SCD5: variants seen among roughly 807,000 people sequenced by gnomAD.
SCD5 encodes the protein stearoyl-CoA desaturase 5, also known as acyl-CoA-desaturase 4.
In SCD5, 20 loss-of-function variants were observed where a neutral mutation model predicts 30.4. The observed-to-expected ratio is 0.66, with a 90% confidence interval of 0.46 to 0.96. The LOEUF (loss-of-function observed/expected upper bound fraction) is 0.96, where lower values mean the gene tolerates loss of function less well. SCD5 is among the 40% of genes least tolerant of loss of function. The pLI, the probability that SCD5 is intolerant of heterozygous loss-of-function variation, is 0.00. For synonymous variants in SCD5, 173 were observed against 176.4 expected, an observed-to-expected ratio of 0.98 and a Z score of 0.16; for missense variants, 381 against 443.3, an observed-to-expected ratio of 0.86 and a Z score of 1.26.
At chr4:82,755,789 T>C (rs1030277336) in intron 1 of SCD5, among the ~76,000 whole-genome samples, 1 of 152,236 alleles carries the variant, frequency 6.6e-6, no homozygotes, top group African/African-American at 2.4e-5. Flanking sequence ...AGCCTTATGA[T>C]GACAAGTCTT....
At chr4:82,730,907 A>T (rs1720630399) in intron 1 of SCD5, among the ~76,000 whole-genome samples, 1 of 152,042 alleles carries the variant, frequency 6.6e-6, no homozygotes. Flanking sequence ...TTCTATAAAC[A>T]CAAAGAGCTC....
Position 82,798,447 on chromosome 4 carries a change from C to T in SCD5, c.91G>A (p.Gly31Ser). The T allele has an allele frequency of 6.2e-7, 1 of 1,613,140 alleles. No individual in the cohort carries two copies. Residue 31 changes from glycine to serine, a missense_variant, in exon 1 of 5, where the codon GGC becomes AGC. Gly to Ser is a moderately conservative substitution (Grantham distance 56). Coordinates refer to ENST00000319540, the MANE Select transcript of SCD5 (RefSeq NM_001037582.3). ...RAGLESSEGG[G>S]GPERPGARGQ... Reference sequence around the variant, plus strand: ...CGCGCGCCTGGCCTCTCCGGGCCGCCGCCGCCCTCAGAGCTTTCGAGCCCG... The same window carrying T: ...CGCGCGCCTGGCCTCTCCGGGCCGCTGCCGCCCTCAGAGCTTTCGAGCCCG...
chr4:82,798,232 G>A, intron 1 of SCD5, 74 bp downstream of exon 1: 1 of 1,247,700 alleles, frequency 8.0e-7, no homozygotes, highest in Non-Finnish European at 1.0e-6. Flanking sequence ...GCCGAGGGGC[G>A]AGCGGCGACC....
rs534129585 is a variant in SCD5 at position 82,679,375 on chromosome 4, G to C, written c.569+1332C>G. On this transcript the variant is annotated intron_variant, in intron 3 of 4. Coordinates refer to ENST00000319540, the MANE Select transcript of SCD5 (RefSeq NM_001037582.3). ...CCTAAAAGAGCTGAATTGATACCGG[G>C]TGTTTTCACCTAAAAGAGCTGTATT... Among the ~76,000 whole-genome samples, 4 of 152,126 alleles carry C rather than the reference G, an allele frequency of 2.6e-5. No homozygotes were observed. The South Asian group carries it at 8.3e-4, about 32-fold the overall frequency.
At chr4:82,731,519 G>A (rs1021091668) in intron 1 of SCD5, among the ~76,000 whole-genome samples, 3 of 152,260 alleles carry the variant, frequency 2.0e-5, no homozygotes, top group African/African-American at 7.2e-5. Flanking sequence ...CATAGTTGCA[G>A]CAAGTAAGAG....
intron 1 of SCD5, among the ~76,000 whole-genome samples, chr4:82,767,145 T>C (rs1243159957): frequency 1.3e-5 from 2 of 152,170 alleles, no homozygotes; most frequent in Non-Finnish European, 1.5e-5. Context: ...TCCCTGACAT[T>C]GGGCAGTTTT....
intron 1 of SCD5, among the ~76,000 whole-genome samples, chr4:82,728,868 T>C (rs955586943): frequency 6.6e-6 from 1 of 152,176 alleles, no homozygotes; most frequent in Non-Finnish European, 1.5e-5. Flanking sequence ...ATTTTGTCTG[T>C]GCAGTGGGCA....
chr4:82,692,538 C>T (rs746753034), intron 2 of SCD5: 2 of 152,264 alleles, frequency 1.3e-5, no homozygotes, highest in Non-Finnish European at 2.9e-5. Context: ...CGGGAGCAGG[C>T]ATCGCAGCCC....
intron 3 of SCD5, chr4:82,661,027 C>T (rs1307315261): frequency 6.2e-7 from 1 of 1,613,936 alleles, no homozygotes; most frequent in African/African-American, 1.3e-5. Context: ...AAGCATCTCA[C>T]ACGCTGCCTC....
chr4:82,773,047 G>C (rs926335751), intron 1 of SCD5, among the ~76,000 whole-genome samples: 3 of 152,140 alleles, frequency 2.0e-5, no homozygotes, highest in Non-Finnish European at 4.4e-5. Context: ...GGTGTGGGGA[G>C]CACTGATGTT....
chr4:82,631,237 C>A lies in SCD5; in HGVS notation c.*90G>T. ...TCGTTCCTTCCCCACCCTCTGCCCC[C>A]TCCCACGATCCAATGTACAAGAGAG... On this transcript the variant is annotated 3_prime_UTR_variant, in exon 5 of 5. Coordinates refer to ENST00000319540, the MANE Select transcript of SCD5 (RefSeq NM_001037582.3). The A allele has an allele frequency of 1.7e-6, 2 of 1,147,362 alleles. No individual in the cohort carries two copies. Among genetic ancestry groups the A allele is most frequent in the Non-Finnish European group, 2.4e-6 (2 of 826,006 alleles). The allele number at this position is 1,147,362 out of a possible 1,614,324, so 71.1% of individuals were successfully genotyped here.
chr4:82,736,328 G>A (rs1229972399), intron 1 of SCD5, among the ~76,000 whole-genome samples: 1 of 151,886 alleles, frequency 6.6e-6, no homozygotes, highest in African/African-American at 2.4e-5. Context: ...ATTATTCTCA[G>A]CCAGGCGCAG....
chr4:82,638,159 T>G (rs534021489), intron 3 of SCD5, among the ~76,000 whole-genome samples: 1 of 152,194 alleles, frequency 6.6e-6, no homozygotes, highest in African/African-American at 2.4e-5. Flanking sequence ...TCCATGTCCC[T>G]GCAAAGGACA....
chr4:82,699,709 T>C (rs1719775266), intron 2 of SCD5, among the ~76,000 whole-genome samples: 1 of 151,384 alleles, frequency 6.6e-6, no homozygotes, highest in South Asian at 2.1e-4. Flanking sequence ...GTCACCAGGC[T>C]GAAGTGCAGT....
chr4:82,776,557 G>A (rs934758909), intron 1 of SCD5, among the ~76,000 whole-genome samples: 4 of 152,156 alleles, frequency 2.6e-5, no homozygotes, highest in African/African-American at 7.2e-5. Context: ...CAGCTTCAAA[G>A]CATCCGAGGA....
intron 2 of SCD5, among the ~76,000 whole-genome samples, chr4:82,685,783 A>T (rs952590076): frequency 1.3e-5 from 2 of 152,148 alleles, no homozygotes; most frequent in African/African-American, 4.8e-5. Flanking sequence ...ATTAATTTTA[A>T]TAATATATTT....
chr4:82,777,412 G>A (rs971795706), intron 1 of SCD5, among the ~76,000 whole-genome samples: 5 of 152,178 alleles, frequency 3.3e-5, no homozygotes, highest in Non-Finnish European at 7.3e-5. Flanking sequence ...GAGTCCTCAG[G>A]GCTAAGGCCT....
chr4:82,708,837 A>G (rs1321993126), intron 1 of SCD5, among the ~76,000 whole-genome samples: 3 of 152,216 alleles, frequency 2.0e-5, no homozygotes, highest in Admixed American at 2.0e-4. Flanking sequence ...AGTGCTCGAC[A>G]GAAGGAAGCA....
chr4:82,770,088 G>T (rs1311540746), intron 1 of SCD5, among the ~76,000 whole-genome samples: 3 of 152,046 alleles, frequency 2.0e-5, no homozygotes, highest in Non-Finnish European at 4.4e-5. Flanking sequence ...ACAACGTGCA[G>T]GTTTGTTACA....
Sources: allele counts gnomAD v4.1 joint callset (sites outside exome capture counted in the v4.1 genomes callset), GRCh38; gene constraint gnomAD v4.1.1; transcripts MANE v1.5; gene names NCBI Gene and HGNC (gene_info 2026-07-23, HGNC 2026-07-21).